Variants in CAMK2D observed in about 807,000 individuals in gnomAD.
The protein encoded by CAMK2D is calcium/calmodulin-dependent protein kinase type II subunit delta.
A neutral mutation model predicts 84.0 loss-of-function variants in CAMK2D; 37 were observed. The observed-to-expected ratio is 0.44, with a 90% CI of 0.34 to 0.58. The LOEUF (loss-of-function observed/expected upper bound fraction) is 0.58. Among genes scored for constraint, CAMK2D ranks in the 20% least tolerant of loss-of-function variants. The pLI is 0.02. For missense variants in CAMK2D, 448 were observed against 652.5 expected (o/e 0.69, Z 3.41); for synonymous variants, 202 against 212.5 (o/e 0.95, Z 0.43).
At chr4:113,658,965 C>T (rs193101376) in intron 3 of CAMK2D, among the ~76,000 whole-genome samples, 28 of 152,208 alleles carry the variant, frequency 1.8e-4, no homozygotes, top group Non-Finnish European at 2.5e-4. Context: ...TATGGATCCT[C>T]GCAAAAAGAT....
intron 2 of CAMK2D, among the ~76,000 whole-genome samples, chr4:113,707,099 T>C (rs563579723): frequency 3.3e-5 from 5 of 152,240 alleles, no homozygotes; most frequent in Admixed American, 2.6e-4. Context: ...ACAAGTGAAA[T>C]ATGATAGCGA....
intron 16 of CAMK2D, among the ~76,000 whole-genome samples, chr4:113,490,910 A>T (rs2097831833): frequency 1.2e-5 from 1 of 83,406 alleles, no homozygotes; most frequent in Non-Finnish European, 2.4e-5. Context: ...AGCAATTGTG[A>T]ATGGGAGTTC....
At chr4:113,738,555 T>C (rs889405880) in intron 2 of CAMK2D, among the ~76,000 whole-genome samples, 2 of 152,180 alleles carry the variant, frequency 1.3e-5, no homozygotes, top group Non-Finnish European at 2.9e-5. Flanking sequence ...GTTATTATCC[T>C]CTTTAGTGGA....
intron 6 of CAMK2D, among the ~76,000 whole-genome samples, chr4:113,539,329 T>A (rs1172149202): frequency 6.6e-6 from 1 of 152,234 alleles, no homozygotes; most frequent in Middle Eastern, 3.2e-3. Flanking sequence ...ACATCTGTCC[T>A]AATTTGTTAA....
At chr4:113,467,403 A>G (rs568547211) in intron 16 of CAMK2D, among the ~76,000 whole-genome samples, 1 of 152,330 alleles carries the variant, frequency 6.6e-6, no homozygotes, top group South Asian at 2.1e-4. Context: ...TAAATTTTCT[A>G]TAAACCACAT....
intron 4 of CAMK2D, among the ~76,000 whole-genome samples, chr4:113,556,421 C>G (rs1349940011): frequency 2.6e-5 from 4 of 152,116 alleles, no homozygotes; most frequent in Admixed American, 1.3e-4. Context: ...AGAATTCCCA[C>G]TTATGTGCCC....
chr4:113,591,136 T>A (rs1255775991), intron 4 of CAMK2D, among the ~76,000 whole-genome samples: 2 of 152,096 alleles, frequency 1.3e-5, no homozygotes, highest in Non-Finnish European at 2.9e-5. Flanking sequence ...ATTGCCATTA[T>A]CTTTCCTATT....
At chr4:113,506,698 A>G (rs2098131998) in intron 13 of CAMK2D, among the ~76,000 whole-genome samples, 4 of 152,218 alleles carry the variant, frequency 2.6e-5, no homozygotes. Flanking sequence ...CACCACATGT[A>G]TTTAATATGC....
chr4:113,604,214 C>T (rs879240679), intron 4 of CAMK2D, among the ~76,000 whole-genome samples: 1 of 152,012 alleles, frequency 6.6e-6, no homozygotes, highest in Non-Finnish European at 1.5e-5. Context: ...GGGTAAGTGG[C>T]TCTAATTTTC....
intron 2 of CAMK2D, among the ~76,000 whole-genome samples, chr4:113,730,542 T>C (rs1250253713): frequency 6.6e-6 from 1 of 152,244 alleles, no homozygotes; most frequent in African/African-American, 2.4e-5. Flanking sequence ...CACATATTGT[T>C]AGTGAAACAT....
At chr4:113,508,632 GAAAGCAATTGGTA>G (rs945424559) in intron 13 of CAMK2D, among the ~76,000 whole-genome samples, 1 of 152,180 alleles carries the variant, frequency 6.6e-6, no homozygotes, top group African/African-American at 2.4e-5. Flanking sequence ...GCAGGCTGAG[GAAAGCAATTGGTA>G]AATGGAAATG....
In CAMK2D at chr4:113,536,034, A is replaced by G. The variant is rs190723594; in HGVS notation, c.517+1307T>C. ...AATATATTCTTTCTGTGTTAATTGT[A>G]CTCTTTTCCAGGATACAGAGATCAT... On this transcript the variant is annotated intron_variant, in intron 7 of 20. Coordinates refer to ENST00000511664, the MANE Select transcript of CAMK2D (RefSeq NM_001321571.2). Among the ~76,000 whole-genome samples the G allele has an allele frequency of 1.1e-3, 166 of 152,194 alleles. 1 individual carries two copies. Among genetic ancestry groups the G allele is most frequent in the African/African-American group, 3.7e-3 (154 of 41,514 alleles).
chr4:113,545,659 T>C (rs2098561376), intron 6 of CAMK2D, among the ~76,000 whole-genome samples: 1 of 152,208 alleles, frequency 6.6e-6, no homozygotes, highest in African/African-American at 2.4e-5. Flanking sequence ...CTCAGTGTGT[T>C]TATGAAATGG....
chr4:113,513,275 A>T lies in CAMK2D; in HGVS notation c.946+53T>A. Reference sequence around the variant, plus strand: ...AAATTCCAGAGACAAAAAAACAGAGACTACTTAAAAAGAAGACCAAGGGAT... The same window carrying T: ...AAATTCCAGAGACAAAAAAACAGAGTCTACTTAAAAAGAAGACCAAGGGAT... On this transcript the variant is annotated intron_variant, in intron 12 of 20. Transcript: ENST00000511664. 5 of 1,586,362 alleles carry T rather than the reference A, an allele frequency of 3.2e-6. No individual in the cohort carries two copies. The South Asian group carries it at 5.8e-5, about 18-fold the overall frequency.
chr4:113,736,183 T>A (rs1463512931), intron 2 of CAMK2D, among the ~76,000 whole-genome samples: 1 of 151,610 alleles, frequency 6.6e-6, no homozygotes, highest in East Asian at 1.9e-4. Flanking sequence ...TATAAAAGTG[T>A]ATTTTATGTT....
chr4:113,512,138 C>A (rs989175582), intron 12 of CAMK2D, among the ~76,000 whole-genome samples: 1 of 152,194 alleles, frequency 6.6e-6, no homozygotes, highest in African/African-American at 2.4e-5. Flanking sequence ...TGTTCCAAGT[C>A]TAAAGGGCCA....
chr4:113,629,491 T>C (rs1411186396), intron 3 of CAMK2D, among the ~76,000 whole-genome samples: 1 of 152,006 alleles, frequency 6.6e-6, no homozygotes, highest in Non-Finnish European at 1.5e-5. Context: ...ACAAATAATA[T>C]ATATACATAC....
intron 3 of CAMK2D, among the ~76,000 whole-genome samples, chr4:113,613,346 T>C (rs2099008483): frequency 6.6e-6 from 1 of 152,114 alleles, no homozygotes; most frequent in Non-Finnish European, 1.5e-5. Context: ...GAATACTACG[T>C]GGGCTCCCTG....
chr4:113,679,864 T>C (rs2099335421), intron 2 of CAMK2D, among the ~76,000 whole-genome samples: 1 of 152,132 alleles, frequency 6.6e-6, no homozygotes, highest in Non-Finnish European at 1.5e-5. Flanking sequence ...AAGAAAGGCC[T>C]CTCACAATGA....
Sources: allele counts gnomAD v4.1 joint callset (sites outside exome capture counted in the v4.1 genomes callset), GRCh38; gene constraint gnomAD v4.1.1; transcripts MANE v1.5; gene names NCBI Gene and HGNC (gene_info 2026-07-23, HGNC 2026-07-21).